Variants in RPS6KC1 observed in about 807,000 individuals in gnomAD.
RPS6KC1 encodes the protein ribosomal protein S6 kinase C1.
RPS6KC1 carries 54 observed loss-of-function variants against 103.8 expected under a neutral mutation model. The ratio of observed to expected loss-of-function variants is 0.52; its 90% CI spans 0.42 to 0.65. The LOEUF (loss-of-function observed/expected upper bound fraction) is 0.65, where lower values mean the gene tolerates loss of function less well. RPS6KC1 is among the 30% of genes least tolerant of loss of function. RPS6KC1 has a pLI of 0.00. For missense variants in RPS6KC1, 1,151 were observed against 1,253.8 expected (o/e 0.92, Z 1.24); for synonymous variants, 439 against 438.7 (o/e 1.00, Z -0.01).
chr1:213,352,293 G>A, the RPS6KC1 span, among the ~76,000 whole-genome samples: 6 of 152,124 alleles, frequency 3.9e-5, no homozygotes, highest in African/African-American at 1.4e-4. Context: ...ATTCTCTACT[G>A]TAATTCTAAA....
At chr1:213,277,504 T>A (rs1193383920), downstream of RPS6KC1, among the ~76,000 whole-genome samples, 2 of 152,216 alleles carry the variant, frequency 1.3e-5, no homozygotes, top group Non-Finnish European at 2.9e-5. Flanking sequence ...TTGGCCCAGG[T>A]ACCTGGAGCA....
At chr1:213,312,526 A>G in the RPS6KC1 span, among the ~76,000 whole-genome samples, 1 of 152,106 alleles carries the variant, frequency 6.6e-6, no homozygotes, top group African/African-American at 2.4e-5. Context: ...GAGTTCAGAG[A>G]GTGGTGCTGC....
chr1:213,595,333 G>A, the RPS6KC1 span, among the ~76,000 whole-genome samples: 1 of 152,148 alleles, frequency 6.6e-6, no homozygotes, highest in Non-Finnish European at 1.5e-5. Flanking sequence ...AATGACCCAT[G>A]TTGGGTTAAT....
intron 4 of RPS6KC1, among the ~76,000 whole-genome samples, chr1:213,108,018 T>C (rs2082661100): frequency 6.6e-6 from 1 of 152,228 alleles, no homozygotes; most frequent in Non-Finnish European, 1.5e-5. Context: ...AACAGTCTTA[T>C]CAGATAAGTG....
the RPS6KC1 span, among the ~76,000 whole-genome samples, chr1:213,343,431 A>G: frequency 1.0e-5 from 1 of 99,762 alleles, no homozygotes. Flanking sequence ...ATATATATAT[A>G]TATATATATA....
At chr1:213,736,041 C>T in the RPS6KC1 span, among the ~76,000 whole-genome samples, 5 of 152,292 alleles carry the variant, frequency 3.3e-5, no homozygotes, top group East Asian at 9.6e-4. Context: ...GTAGGGATGC[C>T]AGGAGCAGAC....
the RPS6KC1 span, among the ~76,000 whole-genome samples, chr1:213,852,849 C>T: frequency 0.015 from 2,295 of 152,222 alleles, 42 homozygotes; most frequent in Middle Eastern, 0.034. Context: ...CTGCTAGTAT[C>T]GCAAGAGTCT....
chr1:213,720,497 C>T, the RPS6KC1 span, among the ~76,000 whole-genome samples: 26 of 152,076 alleles, frequency 1.7e-4, no homozygotes, highest in African/African-American at 4.6e-4. Flanking sequence ...TCCAGCACAG[C>T]GATAAAAATC....
chr1:213,563,070 A>G, the RPS6KC1 span, among the ~76,000 whole-genome samples: 2 of 152,196 alleles, frequency 1.3e-5, no homozygotes, highest in African/African-American at 4.8e-5. Flanking sequence ...AAAGAAATAT[A>G]TTATCTGTCA....
At chr1:213,316,033 A>G in the RPS6KC1 span, among the ~76,000 whole-genome samples, 3 of 152,210 alleles carry the variant, frequency 2.0e-5, no homozygotes, top group Non-Finnish European at 4.4e-5. Context: ...ACCCACACAA[A>G]TCTCATCTGG....
At chr1:213,584,623 A>G in the RPS6KC1 span, among the ~76,000 whole-genome samples, 47 of 152,358 alleles carry the variant, frequency 3.1e-4, no homozygotes, top group East Asian at 7.9e-3. Context: ...ATTATGCTCT[A>G]GGAATTTATG....
chr1:213,557,214 A>T, the RPS6KC1 span, among the ~76,000 whole-genome samples: 13 of 152,018 alleles, frequency 8.6e-5, no homozygotes, highest in African/African-American at 3.1e-4. Flanking sequence ...ATGTGTGCCC[A>T]CTCTGAGCTC....
the RPS6KC1 span, among the ~76,000 whole-genome samples, chr1:213,424,036 C>G: frequency 2.1e-3 from 320 of 152,322 alleles, 1 homozygote; most frequent in Non-Finnish European, 3.4e-3. Context: ...GCCCATGAAG[C>G]CTCCCCTTGG....
At chr1:213,614,490 G>C in the RPS6KC1 span, among the ~76,000 whole-genome samples, 2 of 152,166 alleles carry the variant, frequency 1.3e-5, no homozygotes, top group Non-Finnish European at 2.9e-5. Context: ...GAACTCTGAG[G>C]GTCTCTTTGG....
the RPS6KC1 span, among the ~76,000 whole-genome samples, chr1:213,810,482 A>T: frequency 6.6e-6 from 1 of 152,162 alleles, no homozygotes; most frequent in Non-Finnish European, 1.5e-5. Context: ...GATACAGAAA[A>T]CCATGAGGAA....
the RPS6KC1 span, among the ~76,000 whole-genome samples, chr1:213,542,579 G>A: frequency 1.6e-4 from 25 of 152,244 alleles, 2 homozygotes; most frequent in African/African-American, 6.0e-4. Context: ...CATGTGTGAG[G>A]CATCATGAGC....
the RPS6KC1 span, among the ~76,000 whole-genome samples, chr1:213,829,539 C>T: frequency 9.9e-5 from 15 of 152,232 alleles, no homozygotes; most frequent in East Asian, 2.9e-3. Flanking sequence ...AAGCATCTTA[C>T]CAGAATTGTT....
At chr1:213,464,378 T>C in the RPS6KC1 span, among the ~76,000 whole-genome samples, 1 of 152,320 alleles carries the variant, frequency 6.6e-6, no homozygotes, top group Non-Finnish European at 1.5e-5. Flanking sequence ...TTAAATCTAG[T>C]TCTCAAATTT....
At chr1:213,485,006 G>A in the RPS6KC1 span, among the ~76,000 whole-genome samples, 3 of 152,012 alleles carry the variant, frequency 2.0e-5, no homozygotes, top group African/African-American at 7.3e-5. Context: ...GGGACTATAG[G>A]CACACACCAC....
Sources: allele counts gnomAD v4.1 joint callset (sites outside exome capture counted in the v4.1 genomes callset), GRCh38; gene constraint gnomAD v4.1.1; transcripts MANE v1.5; gene names NCBI Gene and HGNC (gene_info 2026-07-23, HGNC 2026-07-21).